The following CFAP74 variants were observed in gnomAD, a reference collection of about 807,000 sequenced individuals.
CFAP74 encodes cilia- and flagella-associated protein 74.
A neutral mutation model predicts 188.9 loss-of-function variants in CFAP74; 124 were observed. The observed-to-expected ratio is 0.66, with a 90% confidence interval of 0.57 to 0.76. CFAP74 has a LOEUF of 0.76. Among genes scored for constraint, CFAP74 ranks in the 30% least tolerant of loss-of-function variants. The pLI, the probability that CFAP74 is intolerant of heterozygous loss-of-function variation, is 0.00. For missense variants in CFAP74, 2,198 were observed against 2,165.2 expected (o/e 1.02, Z -0.30); for synonymous variants, 956 against 916.7 (o/e 1.04, Z -0.77).
rs1653601183 is a variant in CFAP74 at position 1,944,325 on chromosome 1, G to GCT, written c.2486+4_2486+5dup. 2 of 1,534,642 alleles carry GCT rather than the reference G, an allele frequency of 1.3e-6. No homozygotes were observed. Among genetic ancestry groups the GCT allele is most frequent in the Admixed American group, 2.0e-5 (1 of 50,998 alleles). On this transcript the variant is annotated splice_donor_region_variant and intron_variant, in intron 21 of 38. Coordinates refer to ENST00000682832, the MANE Select transcript of CFAP74 (RefSeq NM_001304360.2). ...ACCCCGTGTGCATGGACAGGAGGGG[G>GCT]CTCACCGCGTGTGCACGAGCACAGA...
intron 1 of CFAP74, among the ~76,000 whole-genome samples, chr1:2,000,530 A>G (rs745732888): frequency 1.3e-5 from 2 of 152,198 alleles, no homozygotes; most frequent in South Asian, 2.1e-4. Context: ...CTTCAACAAC[A>G]GAGTTGTCTC....
At chr1:1,983,441 C>A (rs891272706) in intron 6 of CFAP74, among the ~76,000 whole-genome samples, 23 of 152,352 alleles carry the variant, frequency 1.5e-4, no homozygotes, top group African/African-American at 4.8e-4. Context: ...TGGTCATCAC[C>A]CCCAGGGGCA....
rs149316970 is a variant in CFAP74, at chr1:1,927,672, G to A, written c.3462C>T (p.Arg1154=). ...LSFSVLRAQN[R]DKLFKVSVPH... ...GGACAGAGACTTTGAACAGCTTGTC[G>A]CGGTTCTGTGCTCGAAGAACGGAGA... is the stretch of plus-strand genomic sequence containing the variant. The change falls in exon 28 of 39, where the codon CGC becomes CGT. Residue 1154 remains arginine, a synonymous_variant. Transcript: ENST00000682832. 746 of 1,550,194 alleles carry A rather than the reference G, an allele frequency of 4.8e-4. No individual in the cohort carries two copies. Among genetic ancestry groups the A allele is most frequent in the South Asian group, 7.0e-4 (59 of 84,066 alleles).
intron 1 of CFAP74, among the ~76,000 whole-genome samples, chr1:2,000,674 C>T (rs1658163030): frequency 6.6e-6 from 1 of 152,174 alleles, no homozygotes; most frequent in African/African-American, 2.4e-5. Flanking sequence ...AGCAAAATTC[C>T]AATCTTCATA....
rs530676959 is a variant in CFAP74, at chr1:1,928,673, C to T, written c.3387+111G>A. On this transcript the variant is annotated intron_variant, in intron 27 of 38. Coordinates refer to ENST00000682832, the MANE Select transcript of CFAP74 (RefSeq NM_001304360.2). ...CGTGCATTGCTTGGGAAAGGTCTAC[C>T]CTGTGCTCCCGGCACGTGGCCGGAG... 1.7e-4 allele frequency: 123 copies of T among 738,184 alleles called. 1 individual carries two copies. Among genetic ancestry groups the T allele is most frequent in the Admixed American group, 7.9e-4 (33 of 41,766 alleles). The allele number at this position is 738,184 out of a possible 1,614,324, so 45.7% of individuals were successfully genotyped here.
rs1653232416 is a variant in CFAP74 at position 1,939,747 on chromosome 1, G to A, written c.2724C>T (p.Thr908=). ...VADQNKPVGF[T]VHAIVTTSDL... The stretch of plus-strand genomic sequence containing the variant: ...CCGAGGTGGTGACAATGGCATGCAC[G>A]GTGAATCCCACTGGCTTGTTCTGAG... The change falls in exon 24 of 39, where the codon ACC becomes ACT. Residue 908 remains threonine (T), a synonymous_variant. Transcript: ENST00000682832. 5.9e-6 allele frequency: 9 copies of A among 1,535,980 alleles called. No individual in the cohort carries two copies. The highest frequency in any genetic ancestry group is 1.2e-5 in the South Asian group (1 of 84,050).
chr1:1,963,038 G>C (rs571631702), intron 14 of CFAP74, among the ~76,000 whole-genome samples: 2 of 152,312 alleles, frequency 1.3e-5, no homozygotes, highest in East Asian at 3.9e-4. Flanking sequence ...GTGAAAGCAC[G>C]GCCTTAATTC....
intron 18 of CFAP74, among the ~76,000 whole-genome samples, chr1:1,949,584 G>A (rs1409024278): frequency 1.3e-5 from 2 of 151,560 alleles, no homozygotes; most frequent in African/African-American, 4.9e-5. Context: ...ACAGATTCAT[G>A]TGGTTGTACA....
intron 6 of CFAP74, 96 bp from the exon 7 acceptor site, chr1:1,974,294 G>A: frequency 1.6e-6 from 2 of 1,280,848 alleles, no homozygotes; most frequent in Non-Finnish European, 2.2e-6. Context: ...CCAGGCAGAT[G>A]TTGAACACCC....
chr1:1,988,829 C>A (rs1242270369), intron 3 of CFAP74, 60 bp downstream of exon 3: 9 of 425,732 alleles, frequency 2.1e-5, no homozygotes, highest in East Asian at 9.2e-5. Context: ...CCCACCCCCC[C>A]ACCCCCACCC....
Position 1,939,585 on chromosome 1 carries a change from A to G in CFAP74, c.2877+9T>C. 2 of 1,533,962 alleles carry G rather than the reference A, an allele frequency of 1.3e-6. No homozygotes were observed. Among genetic ancestry groups the G allele is most frequent in the African/African-American group, 2.7e-5 (2 of 73,122 alleles). ...CCCCTCTTACCCCAGGCCTGGCTGC[A>G]GGAGGTACCTTGGGAAGCCTGACGA... is the stretch of plus-strand genomic sequence containing the variant. On this transcript the variant is annotated intron_variant, in intron 24 of 38. Coordinates refer to ENST00000682832, the MANE Select transcript of CFAP74 (RefSeq NM_001304360.2).
chr1:1,976,073 C>G (rs1656420569), intron 6 of CFAP74, among the ~76,000 whole-genome samples: 2 of 152,236 alleles, frequency 1.3e-5, no homozygotes. Flanking sequence ...TGTCTGTGTC[C>G]TCACGTGGCA....
intron 4 of CFAP74, 118 bp from the exon 5 acceptor site, chr1:1,987,153 C>G (rs1423912697): frequency 1.3e-6 from 1 of 759,572 alleles, no homozygotes; most frequent in East Asian, 2.7e-5. Flanking sequence ...GCCCCCCTCA[C>G]CCGGGCCAGG....
chr1:1,923,387 A>G lies in CFAP74; in HGVS notation c.4502T>C (p.Phe1501Ser). Residue 1501 changes from phenylalanine (F) to serine (S), a missense_variant, in exon 36 of 39, where the codon TTT (phenylalanine) becomes TCT (serine). Coordinates refer to ENST00000682832, the MANE Select transcript of CFAP74 (RefSeq NM_001304360.2). The surrounding 1 kb of genome is among the most constrained non-coding windows in gnomAD (Gnocchi z 6.3). ...PVESLTAIPV[F>S]DPRHREASSR... Reference sequence around the variant, plus strand: ...CTCACCCTCTCTGTGCCTGGGGTCAAATACAGGGATCGCTGTCAGAGACTC... The same window carrying G: ...CTCACCCTCTCTGTGCCTGGGGTCAGATACAGGGATCGCTGTCAGAGACTC... 1 of 1,584,070 alleles carries G rather than the reference A, an allele frequency of 6.3e-7. No homozygotes were observed. The highest frequency in any genetic ancestry group is 8.6e-7 in the Non-Finnish European group (1 of 1,166,028).
rs77416434 is a variant in CFAP74 at position 1,982,368 on chromosome 1, T to C, written c.500+3018A>G. ...CCAGCCGTGGTCACACGCGGGGACATGCAGGAGTCCCAGCTGTGGTCACAC... is the reference window on the plus strand; with the variant it reads ...CCAGCCGTGGTCACACGCGGGGACACGCAGGAGTCCCAGCTGTGGTCACAC... On this transcript the variant is annotated intron_variant, in intron 6 of 38. Transcript: ENST00000682832. Among the ~76,000 whole-genome samples, 44 of 140,630 alleles carry C rather than the reference T, an allele frequency of 3.1e-4. No homozygotes were observed. In the East Asian group the frequency reaches 7.2e-3, roughly 23 times the overall value. The allele number at this position is 140,630 out of a possible 152,430, so 92.3% of individuals were successfully genotyped here. A position where few individuals can be genotyped will look rare whatever the true frequency, so the allele number is the denominator to read the frequency against.
At position 1,923,981 on chromosome 1, in the gene CFAP74, T is replaced by C. The variant is rs764792838; in HGVS notation, c.4235-52A>G. ...GCCTTCTCCACCTGCAATCACTGTC[T>C]GCCCTCCAAGCCTTGCTGCATAGAG... is the stretch of plus-strand genomic sequence containing the variant. On this transcript the variant is annotated intron_variant, in intron 34 of 38. Transcript: ENST00000682832. This position sits in a 1 kb window ranked among gnomAD's most constrained non-coding sequence, Gnocchi z 6.3. 2.2e-5 allele frequency: 34 copies of C among 1,564,702 alleles called. No individual in the cohort carries two copies. The highest frequency in any genetic ancestry group is 2.9e-5 in the Non-Finnish European group (33 of 1,152,934).
In CFAP74 at chr1:1,925,953, T is replaced by G; in HGVS notation, c.3949-15A>C. 6.3e-7 allele frequency: 1 copy of G among 1,585,794 alleles called. No individual in the cohort carries two copies. The highest frequency in any genetic ancestry group is 8.6e-7 in the Non-Finnish European group (1 of 1,166,122). Reference sequence around the variant, plus strand: ...GTTTCTTGAGCCTAAAGAGACCACATCGCTCAGCCAGGAACCGATGTCTGC... The same window carrying G: ...GTTTCTTGAGCCTAAAGAGACCACAGCGCTCAGCCAGGAACCGATGTCTGC... On this transcript the variant is annotated splice_polypyrimidine_tract_variant and intron_variant, in intron 32 of 38. Transcript: ENST00000682832.
rs765272466 is a variant in CFAP74, at chr1:1,926,397, C to T, written c.3829-50G>A. 96 of 1,550,026 alleles carry T rather than the reference C, an allele frequency of 6.2e-5. 1 individual carries two copies. Among genetic ancestry groups the T allele is most frequent in the Middle Eastern group, 3.3e-4 (2 of 6,010 alleles). ...ATACAGGTGTCTGCAGGCTCTACCA[C>T]GCCCTCCCCGGTCCCCGCTCCCACC... On this transcript the variant is annotated intron_variant, in intron 31 of 38. Coordinates refer to ENST00000682832, the MANE Select transcript of CFAP74 (RefSeq NM_001304360.2).
In CFAP74 at chr1:1,964,846, G is replaced by C. The variant is rs755975377; in HGVS notation, c.1575+42C>G. 5 of 1,610,688 alleles carry C rather than the reference G, an allele frequency of 3.1e-6. No individual in the cohort carries two copies. In the Admixed American group the frequency reaches 8.4e-5, roughly 27 times the overall value. Reference sequence around the variant, plus strand: ...TGCGGCAGGGCTCCCCTGCTGTCCTGTGCTGCTGCCCGTCCCGTTCCTGGC... The same window carrying C: ...TGCGGCAGGGCTCCCCTGCTGTCCTCTGCTGCTGCCCGTCCCGTTCCTGGC... On this transcript the variant is annotated intron_variant, in intron 13 of 38. Transcript: ENST00000682832.
Sources: gnomAD v4.1 joint callset for allele counts (sites outside exome capture counted in the v4.1 genomes callset) on GRCh38, gnomAD v4.1.1 for gene constraint, Gnocchi (gnomAD v3.1) non-coding constraint, MANE v1.5 for transcripts, NCBI Gene and HGNC (gene_info 2026-07-23, HGNC 2026-07-21) for gene names.